The following TMTC2 variants were observed in gnomAD, a reference collection of about 807,000 sequenced individuals.
TMTC2 encodes the protein protein O-mannosyl-transferase TMTC2.
Under a neutral mutation model 82.4 loss-of-function variants are expected in TMTC2, and 43 were observed. The ratio of observed to expected loss-of-function variants is 0.52; its 90% confidence interval spans 0.41 to 0.67. The LOEUF (loss-of-function observed/expected upper bound fraction) is 0.67, where lower values mean the gene tolerates loss of function less well. Ranked by LOEUF, TMTC2 falls within the 30% of genes least tolerant of loss-of-function variation. The pLI is 0.00. For synonymous variants in TMTC2, 408 were observed against 381.9 expected, an observed-to-expected ratio of 1.07 and a Z score of -0.80; for missense variants, 919 against 1,012.4, an observed-to-expected ratio of 0.91 and a Z score of 1.25.
intron 8 of TMTC2, among the ~76,000 whole-genome samples, chr12:82,988,499 A>G (rs923553843): frequency 5.3e-5 from 8 of 152,084 alleles, no homozygotes; most frequent in Admixed American, 3.3e-4. Context: ...GGCAAGGGAA[A>G]GGGGCCCTTA....
chr12:82,989,406 C>T (rs1879306274), intron 8 of TMTC2, among the ~76,000 whole-genome samples: 1 of 151,824 alleles, frequency 6.6e-6, no homozygotes, highest in Non-Finnish European at 1.5e-5. Context: ...CTAAGAAAAC[C>T]TTTTCCCATT....
intron 11 of TMTC2, among the ~76,000 whole-genome samples, chr12:83,094,947 T>C (rs1008188756): frequency 5.9e-5 from 9 of 152,222 alleles, no homozygotes; most frequent in African/African-American, 2.2e-4. Context: ...GAAAGCCTAC[T>C]TTTTAAAGTC....
intron 2 of TMTC2, among the ~76,000 whole-genome samples, chr12:82,883,301 A>G (rs1872930132): frequency 6.6e-6 from 1 of 152,190 alleles, no homozygotes; most frequent in African/African-American, 2.4e-5. Context: ...GAGTTGGAGT[A>G]TATTTCCATA....
chr12:82,845,528 C>A (rs1354257335), intron 1 of TMTC2, among the ~76,000 whole-genome samples: 1 of 151,764 alleles, frequency 6.6e-6, no homozygotes, highest in East Asian at 1.9e-4. Flanking sequence ...TTTCTAATTT[C>A]AAATCTGGAA....
intron 10 of TMTC2, among the ~76,000 whole-genome samples, chr12:83,052,416 A>G (rs530882148): frequency 6.6e-6 from 1 of 152,276 alleles, no homozygotes; most frequent in Admixed American, 6.5e-5. Flanking sequence ...GACTATTGGT[A>G]TATTTATAAA....
At chr12:82,781,418 T>TTTTTG (rs1443627052) in intron 1 of TMTC2, among the ~76,000 whole-genome samples, 61 of 148,074 alleles carry the variant, frequency 4.1e-4, no homozygotes, top group African/African-American at 1.5e-3. Flanking sequence ...TTTTTTTTTT[T>TTTTTG]TTAGCAGAAA....
At chr12:82,915,655 C>G (rs967915346) in intron 3 of TMTC2, among the ~76,000 whole-genome samples, 2 of 152,158 alleles carry the variant, frequency 1.3e-5, no homozygotes, top group African/African-American at 4.8e-5. Flanking sequence ...TTTGTTCCCC[C>G]TGAAGTTGTT....
intron 1 of TMTC2, among the ~76,000 whole-genome samples, chr12:82,692,313 C>T (rs140717923): frequency 6.6e-6 from 1 of 152,188 alleles, no homozygotes; most frequent in African/African-American, 2.4e-5. Context: ...CTAATGTGCC[C>T]CTGTTGTTAA....
At chr12:83,082,479 A>G (rs148036362) in intron 11 of TMTC2, among the ~76,000 whole-genome samples, 19 of 152,362 alleles carry the variant, frequency 1.2e-4, no homozygotes, top group Non-Finnish European at 1.9e-4. Flanking sequence ...ATGTTTTGAT[A>G]AAGTACTCGT....
chr12:82,697,889 G>A (rs866912699), intron 1 of TMTC2, among the ~76,000 whole-genome samples: 1 of 152,156 alleles, frequency 6.6e-6, no homozygotes, highest in Admixed American at 6.5e-5. Flanking sequence ...AATTTGGTTT[G>A]CATTGCATGA....
At chr12:82,977,783 A>T (rs1323623711) in intron 7 of TMTC2, among the ~76,000 whole-genome samples, 1 of 151,816 alleles carries the variant, frequency 6.6e-6, no homozygotes, top group Non-Finnish European at 1.5e-5. Context: ...AAAGATAATT[A>T]AAAAATACAA....
At chr12:82,879,013 A>G (rs556994733) in intron 2 of TMTC2, among the ~76,000 whole-genome samples, 1 of 152,346 alleles carries the variant, frequency 6.6e-6, no homozygotes, top group South Asian at 2.1e-4. Context: ...ACATATAGAC[A>G]TCAATTTCCT....
intron 11 of TMTC2, among the ~76,000 whole-genome samples, chr12:83,131,408 T>G (rs966382392): frequency 6.6e-6 from 1 of 151,094 alleles, no homozygotes; most frequent in Non-Finnish European, 1.5e-5. Flanking sequence ...AAAAAACACT[T>G]TTAACCTTTT....
At chr12:82,950,274 A>G (rs1877276153) in intron 4 of TMTC2, among the ~76,000 whole-genome samples, 1 of 152,162 alleles carries the variant, frequency 6.6e-6, no homozygotes, top group African/African-American at 2.4e-5. Flanking sequence ...GAAAGAAATA[A>G]TATGAAAAAC....
intron 11 of TMTC2, among the ~76,000 whole-genome samples, chr12:83,088,294 T>C (rs1196431331): frequency 6.6e-6 from 1 of 152,238 alleles, no homozygotes; most frequent in African/African-American, 2.4e-5. Flanking sequence ...TGATCTTCTG[T>C]CCAGACAATT....
intron 1 of TMTC2, among the ~76,000 whole-genome samples, chr12:82,833,317 T>C (rs796468279): frequency 3.3e-4 from 51 of 152,290 alleles, no homozygotes; most frequent in African/African-American, 1.2e-3. Context: ...TGAAGCTTGA[T>C]CAAGTGTTAA....
chr12:82,983,598 CT>C (rs2137332797), intron 7 of TMTC2, among the ~76,000 whole-genome samples: 1 of 152,076 alleles, frequency 6.6e-6, no homozygotes, highest in South Asian at 2.1e-4. Flanking sequence ...CACTCTTTTT[CT>C]GTACAGAAGA....
intron 2 of TMTC2, among the ~76,000 whole-genome samples, chr12:82,866,377 C>T (rs999964335): frequency 6.6e-6 from 1 of 151,912 alleles, no homozygotes; most frequent in Non-Finnish European, 1.5e-5. Context: ...CTGTTTCATA[C>T]AGGAAGATAG....
chr12:82,862,002 G>A (rs562774370), intron 2 of TMTC2, among the ~76,000 whole-genome samples: 2 of 152,280 alleles, frequency 1.3e-5, no homozygotes, highest in Non-Finnish European at 2.9e-5. Flanking sequence ...TATACAATGA[G>A]AATTTCATTC....
Sources: gnomAD v4.1 joint callset for allele counts (sites outside exome capture counted in the v4.1 genomes callset) on GRCh38, gnomAD v4.1.1 for gene constraint, MANE v1.5 for transcripts, NCBI Gene and HGNC (gene_info 2026-07-23, HGNC 2026-07-21) for gene names.